Variants in ATE1 observed in about 807,000 individuals in gnomAD.
The protein encoded by ATE1 is arginyltransferase 1.
ATE1 carries 36 observed loss-of-function variants against 70.5 expected under a neutral mutation model. The ratio of observed to expected loss-of-function variants is 0.51; its 90% CI spans 0.39 to 0.67. The LOEUF (loss-of-function observed/expected upper bound fraction) is 0.67. ATE1 is among the 30% of genes least tolerant of loss of function. The pLI is 0.00. For synonymous variants in ATE1, 232 were observed against 219.3 expected (o/e 1.06, Z -0.51); for missense variants, 593 against 629.5 (o/e 0.94, Z 0.62).
At chr10:121,855,173 G>A (rs1949200265) in intron 8 of ATE1, among the ~76,000 whole-genome samples, 1 of 152,168 alleles carries the variant, frequency 6.6e-6, no homozygotes, top group Non-Finnish European at 1.5e-5. Context: ...GCTGTGGACA[G>A]CTTTTTTCTT....
chr10:121,800,729 C>A (rs1328865391), intron 10 of ATE1, among the ~76,000 whole-genome samples: 4 of 152,080 alleles, frequency 2.6e-5, no homozygotes, highest in Admixed American at 6.5e-5. Context: ...ACTAGTATCC[C>A]AATTTTCTAC....
intron 1 of ATE1, chr10:121,926,797 A>C (rs1379293212): frequency 1.0e-6 from 1 of 985,312 alleles, no homozygotes; most frequent in East Asian, 1.1e-4. Context: ...ATGTCGCATA[A>C]GCCATTTGCA....
intron 8 of ATE1, among the ~76,000 whole-genome samples, chr10:121,853,992 G>C (rs1048602370): frequency 6.6e-6 from 1 of 152,104 alleles, no homozygotes; most frequent in Non-Finnish European, 1.5e-5. Flanking sequence ...CTTTCCAAAA[G>C]GCCTCACCTC....
upstream of ATE1, chr10:121,928,134 A>G: frequency 8.0e-7 from 1 of 1,244,696 alleles, no homozygotes; most frequent in Non-Finnish European, 1.0e-6. Context: ...ATCTTGACCG[A>G]GGGCAGCTTT....
intron 5 of ATE1, among the ~76,000 whole-genome samples, chr10:121,909,220 C>T (rs142056315): frequency 0.012 from 1,761 of 152,278 alleles, 36 homozygotes; most frequent in African/African-American, 0.04. Flanking sequence ...AACTCCTGGG[C>T]TCAAGCAATC....
At chr10:121,753,896 C>G (rs945864509) in intron 11 of ATE1, among the ~76,000 whole-genome samples, 2 of 152,140 alleles carry the variant, frequency 1.3e-5, no homozygotes, top group African/African-American at 4.8e-5. Context: ...TTTGTGAGTT[C>G]AGGCTGGCAG....
intron 9 of ATE1, 89 bp from the exon 10 acceptor site, chr10:121,836,906 A>G (rs759032004): frequency 1.1e-5 from 9 of 817,898 alleles, no homozygotes; most frequent in Non-Finnish European, 1.8e-5. Context: ...AACATTTGAT[A>G]AAATCTGGTA....
intron 8 of ATE1, among the ~76,000 whole-genome samples, chr10:121,847,802 T>A (rs1590477464): frequency 7.1e-6 from 1 of 140,850 alleles, no homozygotes; most frequent in South Asian, 2.3e-4. Context: ...CCAGGCGTGG[T>A]GGCTCACACC....
chr10:121,892,651 G>A (rs1197712604), intron 7 of ATE1, among the ~76,000 whole-genome samples: 1 of 151,900 alleles, frequency 6.6e-6, no homozygotes, highest in Non-Finnish European at 1.5e-5. Context: ...GATTACAGGT[G>A]CCCTCCACCA....
At chr10:121,760,868 T>G (rs528482595) in intron 11 of ATE1, among the ~76,000 whole-genome samples, 9 of 152,184 alleles carry the variant, frequency 5.9e-5, no homozygotes, top group African/African-American at 2.2e-4. Flanking sequence ...TTTTAAGAAA[T>G]TGCCACAGCC....
chr10:121,881,079 A>C (rs1361027895), intron 7 of ATE1, among the ~76,000 whole-genome samples: 1 of 152,206 alleles, frequency 6.6e-6, no homozygotes, highest in Non-Finnish European at 1.5e-5. Context: ...AACTGTCAAA[A>C]GCTTATGACA....
At chr10:121,872,706 A>C (rs1364385593) in intron 7 of ATE1, among the ~76,000 whole-genome samples, 1 of 152,094 alleles carries the variant, frequency 6.6e-6, no homozygotes, top group African/African-American at 2.4e-5. Context: ...ATGATGTCTG[A>C]TTACTATTAA....
At chr10:121,822,162 G>A (rs1255310818) in intron 10 of ATE1, among the ~76,000 whole-genome samples, 1 of 152,152 alleles carries the variant, frequency 6.6e-6, no homozygotes, top group Non-Finnish European at 1.5e-5. Context: ...TAGAATGGGT[G>A]TAAAAAATGT....
At chr10:121,917,167 A>T (rs903616758) in intron 3 of ATE1, among the ~76,000 whole-genome samples, 4 of 152,098 alleles carry the variant, frequency 2.6e-5, no homozygotes, top group African/African-American at 9.7e-5. Flanking sequence ...CCATCTCAAA[A>T]AAAAAAATAG....
At chr10:121,898,468 G>A (rs1213154816) in intron 7 of ATE1, among the ~76,000 whole-genome samples, 1 of 152,096 alleles carries the variant, frequency 6.6e-6, no homozygotes, top group African/African-American at 2.4e-5. Flanking sequence ...TTGTTGTTAA[G>A]GTATTTTTGC....
chr10:121,788,260 A>G lies in ATE1; in HGVS notation c.1378+1909T>C, dbSNP rs11200153. On this transcript the variant is annotated intron_variant, in intron 11 of 11. Coordinates refer to ENST00000224652, the MANE Select transcript of ATE1 (RefSeq NM_001001976.3). ...TGTTTGTTTTTAAGCAACATATCTG[A>G]TCAATGAGGTGTAACTTTACTCAGA... Among the ~76,000 whole-genome samples, 3,280 of 152,278 alleles carry G rather than the reference A, an allele frequency of 0.022. 184 individuals are homozygous for G. The East Asian group carries it at 0.25, about 12-fold the overall frequency.
At chr10:121,822,758 A>AT (rs1163399020) in intron 10 of ATE1, among the ~76,000 whole-genome samples, 12 of 152,046 alleles carry the variant, frequency 7.9e-5, no homozygotes, top group Non-Finnish European at 1.8e-4. Flanking sequence ...CCCAAAAAAA[A>AT]TTTTTTTTAA....
At chr10:121,817,810 C>T (rs1947619840) in intron 10 of ATE1, among the ~76,000 whole-genome samples, 1 of 152,034 alleles carries the variant, frequency 6.6e-6, no homozygotes. Flanking sequence ...GAGAAGAGGT[C>T]ACAGTCAAAG....
At chr10:121,823,377 G>A (rs1452649136) in intron 10 of ATE1, among the ~76,000 whole-genome samples, 1 of 152,182 alleles carries the variant, frequency 6.6e-6, no homozygotes, top group Non-Finnish European at 1.5e-5. Context: ...TAGAATGTAG[G>A]GAGTAGAGAA....
Sources: allele counts gnomAD v4.1 joint callset (sites outside exome capture counted in the v4.1 genomes callset), GRCh38; gene constraint gnomAD v4.1.1; transcripts MANE v1.5; gene names NCBI Gene and HGNC (gene_info 2026-07-23, HGNC 2026-07-21).